The following RAP1GAP2 variants were observed in gnomAD, a reference collection of about 807,000 sequenced individuals.
RAP1GAP2 encodes rap1 GTPase-activating protein 2.
RAP1GAP2 carries 27 observed loss-of-function variants against 95.0 expected under a neutral mutation model. The observed-to-expected ratio is 0.28, with a 90% CI of 0.21 to 0.39. The LOEUF is 0.39. Among genes scored for constraint, RAP1GAP2 ranks in the 10% least tolerant of loss-of-function variants. RAP1GAP2 has a pLI of 1.00. For synonymous variants in RAP1GAP2, 373 were observed against 380.9 expected (o/e 0.98, Z 0.24); for missense variants, 771 against 970.0 (o/e 0.79, Z 2.72).
intron 3 of RAP1GAP2, among the ~76,000 whole-genome samples, chr17:2,915,621 A>G (rs529364595): frequency 1.3e-5 from 2 of 152,260 alleles, no homozygotes; most frequent in Admixed American, 1.3e-4. Context: ...TTATGTCTGT[A>G]GCTTTGTGTG....
At chr17:2,970,620 T>C (rs1484217250) in intron 8 of RAP1GAP2, among the ~76,000 whole-genome samples, 3 of 152,232 alleles carry the variant, frequency 2.0e-5, no homozygotes, top group African/African-American at 4.8e-5. Context: ...TGTTTAAATT[T>C]ATAATCTTAA....
At position 2,963,020 on chromosome 17, in the gene RAP1GAP2, C is replaced by T. The variant is rs890436811; in HGVS notation, c.246+306C>T. The stretch of plus-strand genomic sequence containing the variant: ...GTGCAGTGTGTAAGGGTGTCAGGCT[C>T]TGTGCCCCGGGTTCCAGTGGGCAGT... On this transcript the variant is annotated intron_variant, in intron 5 of 24. Transcript: ENST00000254695. This position sits in a 1 kb window ranked among gnomAD's most constrained non-coding sequence, Gnocchi z 4.8. 5.7e-6 allele frequency: 3 copies of T among 527,216 alleles called. No individual in the cohort carries two copies. The African/African-American group carries it at 5.8e-5, about 10-fold the overall frequency. 32.7% of individuals were successfully genotyped at this position (527,216 alleles called of 1,614,324 possible). A position where few individuals can be genotyped will look rare whatever the true frequency, so the allele number is the denominator to read the frequency against.
At chr17:2,949,313 C>T (rs539910053) in intron 3 of RAP1GAP2, among the ~76,000 whole-genome samples, 7 of 152,348 alleles carry the variant, frequency 4.6e-5, no homozygotes, top group South Asian at 2.1e-4. Flanking sequence ...GAAAATCCAG[C>T]GGCTGGCTTC....
intron 2 of RAP1GAP2, among the ~76,000 whole-genome samples, chr17:2,845,797 G>A (rs2071560091): frequency 6.6e-6 from 1 of 151,944 alleles, no homozygotes; most frequent in Non-Finnish European, 1.5e-5. Flanking sequence ...GTAGGCGAAG[G>A]TTTTGGTGAG....
intron 19 of RAP1GAP2, 88 bp downstream of exon 19, chr17:3,020,683 C>A: frequency 5.9e-6 from 7 of 1,180,564 alleles, no homozygotes; most frequent in Non-Finnish European, 8.6e-6. Context: ...CCCTACCTTG[C>A]AGGGAGGAGC....
At chr17:2,841,834 C>T (rs554813404) in intron 2 of RAP1GAP2, among the ~76,000 whole-genome samples, 15 of 152,142 alleles carry the variant, frequency 9.9e-5, no homozygotes, top group Non-Finnish European at 1.8e-4. Context: ...ACCCCAGGGA[C>T]GGGTGTGATG....
chr17:2,800,636 CA>C, intron 2 of RAP1GAP2, 86 bp downstream of exon 2: 1 of 1,386,014 alleles, frequency 7.2e-7, no homozygotes, highest in South Asian at 1.2e-5. Context: ...TTGTGGGAGA[CA>C]CAAGAGGGGC....
At chr17:2,832,402 C>T (rs955344285) in intron 2 of RAP1GAP2, among the ~76,000 whole-genome samples, 1 of 149,328 alleles carries the variant, frequency 6.7e-6, no homozygotes, top group South Asian at 2.2e-4. Flanking sequence ...ACTAAAAATA[C>T]AAAAAATTAC....
intron 3 of RAP1GAP2, among the ~76,000 whole-genome samples, chr17:2,939,238 C>T (rs139769648): frequency 0.013 from 1,919 of 152,150 alleles, 31 homozygotes; most frequent in African/African-American, 0.043. Flanking sequence ...TACAGGCATG[C>T]GCCACCATAC....
At chr17:2,821,494 G>C (rs1390485271) in intron 2 of RAP1GAP2, among the ~76,000 whole-genome samples, 1 of 149,900 alleles carries the variant, frequency 6.7e-6, no homozygotes, top group Non-Finnish European at 1.5e-5. Flanking sequence ...TCCCACCTTA[G>C]CCTCCGGAGT....
intron 3 of RAP1GAP2, among the ~76,000 whole-genome samples, chr17:2,931,524 T>G (rs1370128754): frequency 2.0e-5 from 3 of 152,212 alleles, no homozygotes; most frequent in Non-Finnish European, 4.4e-5. Context: ...CAGCACCCCC[T>G]TCTTCAGCCC....
rs2047387721 is a variant in RAP1GAP2, at chr17:3,033,332, T to TCGTC, written c.*31-58_*31-55dup. 1.3e-5 allele frequency: 2 copies of TCGTC among 152,774 alleles called. No individual in the cohort carries two copies. Among genetic ancestry groups the TCGTC allele is most frequent in the African/African-American group, 2.4e-5 (1 of 41,398 alleles). 9.5% of individuals were successfully genotyped at this position (152,774 alleles called of 1,614,324 possible). A position where few individuals can be genotyped will look rare whatever the true frequency, so the allele number is the denominator to read the frequency against. On this transcript the variant is annotated intron_variant, in intron 24 of 24. Transcript: ENST00000254695. The surrounding 1 kb of genome is among the most constrained non-coding windows in gnomAD (Gnocchi z 4.9). ...CCACCCCTTGCTCCCGACGTCCGCG[T>TCGTC]CGTCCCCTCCTTCCTGTACGGAATG...
chr17:3,012,774 C>G (rs1228248652), intron 17 of RAP1GAP2, among the ~76,000 whole-genome samples: 1 of 151,988 alleles, frequency 6.6e-6, no homozygotes, highest in South Asian at 2.1e-4. Context: ...GGGAGTCTTG[C>G]GAGAACAGCT....
intron 2 of RAP1GAP2, among the ~76,000 whole-genome samples, chr17:2,828,475 T>A (rs879375538): frequency 1.4e-5 from 2 of 147,698 alleles, no homozygotes; most frequent in Admixed American, 6.8e-5. Flanking sequence ...AAGGAGCCAG[T>A]GTGAAGCTGT....
chr17:2,897,811 G>A (rs2041889106), intron 2 of RAP1GAP2, among the ~76,000 whole-genome samples: 2 of 152,148 alleles, frequency 1.3e-5, no homozygotes, highest in Non-Finnish European at 2.9e-5. Context: ...TGCATAATGA[G>A]GCTGTCGGGT....
chr17:2,904,657 C>T lies in RAP1GAP2; in HGVS notation c.81-627C>T, dbSNP rs117530433. Among the ~76,000 whole-genome samples, 5,044 of 151,454 alleles carry T rather than the reference C, an allele frequency of 0.033. 116 individuals are homozygous for T. The highest frequency in any genetic ancestry group is 0.048 in the Non-Finnish European group (3,237 of 67,886). On this transcript the variant is annotated intron_variant, in intron 2 of 24. Coordinates refer to ENST00000254695, the MANE Select transcript of RAP1GAP2 (RefSeq NM_015085.5). The surrounding 1 kb of genome is among the most constrained non-coding windows in gnomAD (Gnocchi z 4.7). ...CCCCAGTCCTGGATCTCTTTAGCCC[C>T]GTGGTTCTCAGACTTTGCCGTGTAG...
intron 3 of RAP1GAP2, among the ~76,000 whole-genome samples, chr17:2,951,711 C>T (rs1365838975): frequency 6.6e-6 from 1 of 151,746 alleles, no homozygotes; most frequent in Non-Finnish European, 1.5e-5. Context: ...GAATGAGACC[C>T]TGTCTCAAAA....
intron 2 of RAP1GAP2, among the ~76,000 whole-genome samples, chr17:2,828,273 G>C (rs533709902): frequency 3.9e-5 from 6 of 152,034 alleles, no homozygotes; most frequent in Admixed American, 6.6e-5. Flanking sequence ...CCTGGGAGGC[G>C]GAGGTTGCAG....
At chr17:2,910,859 C>T (rs1323528319) in intron 3 of RAP1GAP2, among the ~76,000 whole-genome samples, 1 of 152,148 alleles carries the variant, frequency 6.6e-6, no homozygotes, top group Non-Finnish European at 1.5e-5. Flanking sequence ...CCACCACACC[C>T]CGCTAATTTT....
Sources: gnomAD v4.1 joint callset for allele counts (sites outside exome capture counted in the v4.1 genomes callset) on GRCh38, gnomAD v4.1.1 for gene constraint, Gnocchi (gnomAD v3.1) non-coding constraint, MANE v1.5 for transcripts, NCBI Gene and HGNC (gene_info 2026-07-23, HGNC 2026-07-21) for gene names.